CHCHD6: variants seen among roughly 807,000 people sequenced by gnomAD.
CHCHD6 encodes coiled-coil-helix-coiled-coil-helix domain containing 6, also known as MICOS complex subunit MIC25.
Under a neutral mutation model 32.3 loss-of-function variants are expected in CHCHD6, and 28 were observed. That is an observed-to-expected ratio of 0.87 (90% CI 0.64 to 1.19). The LOEUF (loss-of-function observed/expected upper bound fraction) is 1.19. Ranked by LOEUF, CHCHD6 falls within the 50% of genes most tolerant of loss-of-function variation. CHCHD6 has a pLI of 0.00. For missense variants in CHCHD6, 333 were observed against 307.0 expected (o/e 1.08, Z -0.63); for synonymous variants, 122 against 117.5 (o/e 1.04, Z -0.25).
intron 1 of CHCHD6, among the ~76,000 whole-genome samples, chr3:126,715,951 C>G (rs1410384008): frequency 6.6e-6 from 1 of 152,212 alleles, no homozygotes; most frequent in Non-Finnish European, 1.5e-5. Flanking sequence ...GAAATAGTTT[C>G]ACTTCCTTGG....
intron 4 of CHCHD6, among the ~76,000 whole-genome samples, chr3:126,737,308 GATTC>G (rs1183593242): frequency 1.3e-4 from 20 of 151,428 alleles, no homozygotes; most frequent in South Asian, 1.3e-3. Context: ...GACACGGTGA[GATTC>G]CATCTAAAAA....
intron 5 of CHCHD6, among the ~76,000 whole-genome samples, chr3:126,890,179 TTGC>T (rs2077737385): frequency 6.6e-6 from 1 of 152,216 alleles, no homozygotes; most frequent in African/African-American, 2.4e-5. Context: ...GAGAGGAGTC[TTGC>T]TGGTGGTAGG....
At chr3:126,776,984 A>C (rs1302406021) in intron 4 of CHCHD6, among the ~76,000 whole-genome samples, 2 of 152,026 alleles carry the variant, frequency 1.3e-5, no homozygotes, top group Non-Finnish European at 2.9e-5. Context: ...CTTCCTCTTC[A>C]TTATTGCCTC....
intron 5 of CHCHD6, among the ~76,000 whole-genome samples, chr3:126,863,549 T>C (rs1399552363): frequency 6.6e-4 from 47 of 71,100 alleles, no homozygotes; most frequent in East Asian, 1.8e-3. Context: ...TCCTCCACCA[T>C]CACCACCTCC....
chr3:126,797,238 G>A (rs545620564), intron 4 of CHCHD6, among the ~76,000 whole-genome samples: 10 of 152,312 alleles, frequency 6.6e-5, no homozygotes, highest in African/African-American at 2.4e-4. Context: ...GCTTTGCTGA[G>A]GAAAACCTTA....
chr3:126,753,035 G>A (rs550993544), intron 4 of CHCHD6, among the ~76,000 whole-genome samples: 38 of 152,282 alleles, frequency 2.5e-4, no homozygotes, highest in African/African-American at 8.4e-4. Context: ...CAGAGGGGCG[G>A]GGGATAGGAG....
chr3:126,946,306 T>C (rs1048392497), intron 6 of CHCHD6, among the ~76,000 whole-genome samples: 2 of 152,142 alleles, frequency 1.3e-5, no homozygotes, highest in African/African-American at 4.8e-5. Context: ...TGAGGGTGCA[T>C]CTCCTCTTAG....
chr3:126,917,669 A>T (rs1193450956), intron 6 of CHCHD6, among the ~76,000 whole-genome samples: 4 of 152,236 alleles, frequency 2.6e-5, no homozygotes, highest in African/African-American at 2.4e-5. Flanking sequence ...TCTCCAGAAC[A>T]CATATGTTGA....
At chr3:126,833,910 C>T (rs1404790014) in intron 4 of CHCHD6, among the ~76,000 whole-genome samples, 9 of 151,080 alleles carry the variant, frequency 6.0e-5, no homozygotes, top group Non-Finnish European at 1.2e-4. Flanking sequence ...AAAAAATAGC[C>T]GGGCGTAGTG....
chr3:126,710,161 T>A (rs1034599644), intron 1 of CHCHD6, among the ~76,000 whole-genome samples: 2 of 152,258 alleles, frequency 1.3e-5, no homozygotes, highest in African/African-American at 4.8e-5. Flanking sequence ...CGATGTTTGC[T>A]TCATGAGATC....
intron 4 of CHCHD6, among the ~76,000 whole-genome samples, chr3:126,852,442 C>T (rs1019615461): frequency 6.6e-6 from 1 of 152,086 alleles, no homozygotes; most frequent in Non-Finnish European, 1.5e-5. Context: ...TGTGAAGTGG[C>T]TATAGTAATT....
intron 5 of CHCHD6, among the ~76,000 whole-genome samples, chr3:126,902,281 G>A (rs7616971): frequency 0.031 from 4,713 of 152,284 alleles, 162 homozygotes; most frequent in East Asian, 0.15. Flanking sequence ...TGCACGGCCA[G>A]GGTTGAGGAC....
chr3:126,852,801 C>T (rs1462611859), intron 5 of CHCHD6, 71 bp downstream of exon 5: 15 of 1,064,198 alleles, frequency 1.4e-5, no homozygotes, highest in South Asian at 2.6e-5. Context: ...ACATCACTGT[C>T]ATGGGGGGAG....
intron 6 of CHCHD6, among the ~76,000 whole-genome samples, chr3:126,926,698 A>G (rs1280537861): frequency 6.6e-6 from 1 of 152,208 alleles, no homozygotes; most frequent in African/African-American, 2.4e-5. Flanking sequence ...GGTGCATTCT[A>G]AAGAATTCGA....
chr3:126,836,861 G>A (rs936832249), intron 4 of CHCHD6, among the ~76,000 whole-genome samples: 25 of 152,192 alleles, frequency 1.6e-4, no homozygotes, highest in Non-Finnish European at 5.9e-5. Flanking sequence ...TGAGGATGTC[G>A]ACAGGTAAGG....
At position 126,904,418 on chromosome 3, in the gene CHCHD6, C is replaced by T. The variant is rs2077975958; in HGVS notation, c.496-10262C>T. On this transcript the variant is annotated intron_variant, in intron 5 of 7. Coordinates refer to ENST00000290913, the MANE Select transcript of CHCHD6 (RefSeq NM_032343.3). ...AGTGAGAAATATTTCTGGGATGATG[C>T]TCAGCACTCCCCCAAAGACTGATGG... Among the ~76,000 whole-genome samples, 3 of 152,220 alleles carry T rather than the reference C, an allele frequency of 2.0e-5. 1 individual carries two copies. Among genetic ancestry groups the T allele is most frequent in the Admixed American group, 2.0e-4 (3 of 15,284 alleles).
chr3:126,790,917 A>G (rs900274959), intron 4 of CHCHD6, among the ~76,000 whole-genome samples: 3 of 152,044 alleles, frequency 2.0e-5, no homozygotes, highest in African/African-American at 7.3e-5. Context: ...TAGAATTTTC[A>G]GTTTTTCTCT....
intron 6 of CHCHD6, chr3:126,949,418 G>A (rs183296852): frequency 4.3e-5 from 10 of 233,016 alleles, no homozygotes; most frequent in East Asian, 3.6e-4. Context: ...CAGGTCTGCC[G>A]TGGACGGAAG....
chr3:126,926,647 G>T (rs533953571), intron 6 of CHCHD6, among the ~76,000 whole-genome samples: 191 of 152,318 alleles, frequency 1.3e-3, no homozygotes, highest in African/African-American at 4.0e-3. Context: ...GGGTAGAGAT[G>T]AGGCTGGTGG....
Sources: allele counts gnomAD v4.1 joint callset (sites outside exome capture counted in the v4.1 genomes callset), GRCh38; gene constraint gnomAD v4.1.1; transcripts MANE v1.5; gene names NCBI Gene and HGNC (gene_info 2026-07-23, HGNC 2026-07-21).